The following SHANK2 variants were observed in gnomAD, a reference collection of about 807,000 sequenced individuals.
The protein encoded by SHANK2 is SH3 and multiple ankyrin repeat domains 2.
Under a neutral mutation model 133.7 loss-of-function variants are expected in SHANK2, and 43 were observed. That is an observed-to-expected ratio of 0.32 (90% CI 0.25 to 0.41). The LOEUF is 0.41. Among genes scored for constraint, SHANK2 ranks in the 10% least tolerant of loss-of-function variants. The probability of loss-of-function intolerance (pLI) is 1.00; values close to 1 mark genes in which losing one functional copy is unlikely to be tolerated. For synonymous variants in SHANK2, 1,017 were observed against 952.8 expected (o/e 1.07, Z -1.24); for missense variants, 1,994 against 2,235.8 (o/e 0.89, Z 2.18).
intron 13 of SHANK2, among the ~76,000 whole-genome samples, chr11:70,798,952 C>T (rs1279653309): frequency 3.3e-5 from 5 of 151,974 alleles, no homozygotes; most frequent in African/African-American, 1.2e-4. Context: ...AAAGTGGAGT[C>T]GGGGGGCACC....
chr11:71,117,176 CA>C (rs1252047680), intron 4 of SHANK2, among the ~76,000 whole-genome samples: 1 of 152,140 alleles, frequency 6.6e-6, no homozygotes, highest in Non-Finnish European at 1.5e-5. Flanking sequence ...CACATGACCA[CA>C]CCCAGCTAAT....
chr11:70,772,857 C>T (rs905533083), intron 14 of SHANK2, among the ~76,000 whole-genome samples: 6 of 152,326 alleles, frequency 3.9e-5, no homozygotes, highest in Admixed American at 6.5e-5. Context: ...AGTACAAAAG[C>T]GTCTTGCTTG....
chr11:70,617,723 T>C (rs1238623237), intron 17 of SHANK2, among the ~76,000 whole-genome samples: 1 of 152,148 alleles, frequency 6.6e-6, no homozygotes, highest in Non-Finnish European at 1.5e-5. Flanking sequence ...ACCAAAACTC[T>C]GAAAAACAGT....
chr11:71,203,034 G>A (rs1251756991), intron 2 of SHANK2, among the ~76,000 whole-genome samples: 4 of 152,204 alleles, frequency 2.6e-5, no homozygotes, highest in Admixed American at 6.5e-5. Flanking sequence ...CTGTGTGTCC[G>A]CAGGACTGTA....
chr11:70,732,779 G>T (rs1555032568), intron 14 of SHANK2, among the ~76,000 whole-genome samples: 1 of 152,140 alleles, frequency 6.6e-6, no homozygotes, highest in Admixed American at 6.5e-5. Flanking sequence ...TAGGAAGCCT[G>T]CCCTCCCCTC....
intron 11 of SHANK2, among the ~76,000 whole-genome samples, chr11:70,865,823 C>A (rs1218952986): frequency 6.6e-6 from 1 of 152,232 alleles, no homozygotes; most frequent in Non-Finnish European, 1.5e-5. Context: ...TTCCTTCACT[C>A]ACCCTGCAGA....
chr11:70,901,959 TAGG>T (rs1419790523), intron 10 of SHANK2, among the ~76,000 whole-genome samples: 8 of 152,190 alleles, frequency 5.3e-5, no homozygotes, highest in African/African-American at 1.9e-4. Flanking sequence ...CTTCTGCGGC[TAGG>T]AGGTGACAAG....
At chr11:71,166,067 T>A (rs1415486765) in intron 2 of SHANK2, among the ~76,000 whole-genome samples, 1 of 152,188 alleles carries the variant, frequency 6.6e-6, no homozygotes, top group Non-Finnish European at 1.5e-5. Context: ...ACTGCTCGCC[T>A]GGTGTCAGCC....
intron 2 of SHANK2, among the ~76,000 whole-genome samples, chr11:71,153,689 G>C (rs182106830): frequency 6.6e-6 from 1 of 152,138 alleles, no homozygotes; most frequent in East Asian, 1.9e-4. Context: ...GAGTTCAGCC[G>C]GGTGCAGTGG....
chr11:71,095,815 A>T (rs1179902936), intron 6 of SHANK2, among the ~76,000 whole-genome samples: 1 of 152,238 alleles, frequency 6.6e-6, no homozygotes, highest in Non-Finnish European at 1.5e-5. Context: ...TGATATGCAC[A>T]TGCTTAACCC....
rs555436716 is a variant in SHANK2 at position 71,155,177 on chromosome 11, C to A, written c.-12-7839G>T. 7.9e-4 allele frequency among the ~76,000 whole-genome samples: 92 copies of A among 116,926 alleles called. 3 individuals carry two copies. Among genetic ancestry groups the A allele is most frequent in the Middle Eastern group, 5.7e-3 (1 of 176 alleles). The allele number at this position is 116,926 out of a possible 152,430, so 76.7% of individuals were successfully genotyped here. A position where few individuals can be genotyped will look rare whatever the true frequency, so the allele number is the denominator to read the frequency against. On this transcript the variant is annotated intron_variant, in intron 2 of 25. Transcript: ENST00000601538. ...AGGAGTGGACCTACCCCAGCCCAAG[C>A]TCCCAGAGGGGTGGACCTACCCCAG...
intron 17 of SHANK2, among the ~76,000 whole-genome samples, chr11:70,598,854 G>A (rs909564237): frequency 1.5e-4 from 22 of 148,000 alleles, no homozygotes; most frequent in East Asian, 2.0e-4. Flanking sequence ...TTAATTATCC[G>A]CTTGCAATTA....
intron 2 of SHANK2, among the ~76,000 whole-genome samples, chr11:71,171,611 T>C (rs1953315390): frequency 6.6e-6 from 1 of 152,190 alleles, no homozygotes; most frequent in South Asian, 2.1e-4. Context: ...TTGTTCTCTC[T>C]GGACCCCCAG....
rs187102230 is a variant in SHANK2, at chr11:71,135,090, A to C, written c.207+12030T>G. ...CCTTCTCTGCTGAGCCAACACACCA[A>C]GTTTGTGCATACCTCAGGCTGGCTG... On this transcript the variant is annotated intron_variant, in intron 3 of 25. Transcript: ENST00000601538. 7.7e-4 allele frequency among the ~76,000 whole-genome samples: 117 copies of C among 152,036 alleles called. 1 individual carries two copies. Among genetic ancestry groups the C allele is most frequent in the African/African-American group, 2.7e-3 (110 of 41,462 alleles).
intron 5 of SHANK2, among the ~76,000 whole-genome samples, chr11:71,112,565 G>A (rs745366203): frequency 9.9e-5 from 15 of 152,136 alleles, no homozygotes; most frequent in Non-Finnish European, 1.8e-4. Context: ...GCAGCTGCCC[G>A]GACTCTCCAC....
At chr11:70,868,574 G>A (rs1949408992) in intron 11 of SHANK2, among the ~76,000 whole-genome samples, 1 of 152,196 alleles carries the variant, frequency 6.6e-6, no homozygotes, top group African/African-American at 2.4e-5. Flanking sequence ...CAAGACACAA[G>A]CCAAGAAGGT....
chr11:70,912,338 C>T (rs1344760414), intron 10 of SHANK2, among the ~76,000 whole-genome samples: 2 of 151,984 alleles, frequency 1.3e-5, no homozygotes, highest in African/African-American at 4.8e-5. Flanking sequence ...TGGCTGTGTT[C>T]CCATCCAAAT....
intron 17 of SHANK2, among the ~76,000 whole-genome samples, chr11:70,581,019 G>A (rs191840943): frequency 1.8e-4 from 28 of 152,292 alleles, no homozygotes; most frequent in Middle Eastern, 3.4e-3. Context: ...CTAAGTGTTC[G>A]TCACTGCGAG....
At chr11:70,863,035 G>A (rs760306880) in intron 11 of SHANK2, among the ~76,000 whole-genome samples, 11 of 152,290 alleles carry the variant, frequency 7.2e-5, no homozygotes, top group South Asian at 6.2e-4. Context: ...AGGCTGCTCC[G>A]CAGGACTTAC....
Sources: allele counts gnomAD v4.1 joint callset (sites outside exome capture counted in the v4.1 genomes callset), GRCh38; gene constraint gnomAD v4.1.1; transcripts MANE v1.5; gene names NCBI Gene and HGNC (gene_info 2026-07-23, HGNC 2026-07-21).